The following DPP6 variants were observed in gnomAD, a reference collection of about 807,000 sequenced individuals.
The protein encoded by DPP6 is dipeptidyl peptidase like 6.
A neutral mutation model predicts 122.6 loss-of-function variants in DPP6; 69 were observed. That is an observed-to-expected ratio of 0.56 (90% CI 0.46 to 0.69). The LOEUF (loss-of-function observed/expected upper bound fraction) is 0.69. DPP6 is among the 30% of genes least tolerant of loss of function. The pLI, the probability that DPP6 is intolerant of heterozygous loss-of-function variation, is 0.00. For missense variants in DPP6, 928 were observed against 1,116.9 expected (o/e 0.83, Z 2.41); for synonymous variants, 418 against 433.1 (o/e 0.97, Z 0.43).
chr7:154,800,196 A>G (rs1216334373), intron 12 of DPP6, among the ~76,000 whole-genome samples: 1 of 152,230 alleles, frequency 6.6e-6, no homozygotes, highest in Non-Finnish European at 1.5e-5. Context: ...AAATAGGAAA[A>G]TAAATGTTTG....
intron 1 of DPP6, among the ~76,000 whole-genome samples, chr7:154,042,504 G>A (rs7810377): frequency 0.17 from 26,052 of 152,092 alleles, 3,332 homozygotes; most frequent in African/African-American, 0.36. Context: ...CTCAGTGTTC[G>A]GTGCAGTACA....
chr7:154,279,077 TGTG>T (rs1343793737), intron 1 of DPP6, among the ~76,000 whole-genome samples: 4 of 151,474 alleles, frequency 2.6e-5, no homozygotes, highest in African/African-American at 7.3e-5. Flanking sequence ...GTGCAGCTGA[TGTG>T]TGTGTGGGGA....
At chr7:154,480,802 A>G (rs1823201761) in intron 3 of DPP6, among the ~76,000 whole-genome samples, 1 of 152,150 alleles carries the variant, frequency 6.6e-6, no homozygotes, top group Non-Finnish European at 1.5e-5. Flanking sequence ...CCCAAAACCA[A>G]AAATACAAAA....
At chr7:154,268,036 G>T (rs1803553517) in intron 1 of DPP6, among the ~76,000 whole-genome samples, 1 of 152,000 alleles carries the variant, frequency 6.6e-6, no homozygotes, top group Non-Finnish European at 1.5e-5. Flanking sequence ...GCTCTTTGGG[G>T]TCCTCAATAG....
At chr7:154,858,107 T>G (rs1471078762) in intron 17 of DPP6, 1 of 152,082 alleles carries the variant, frequency 6.6e-6, no homozygotes, top group African/African-American at 2.4e-5. Flanking sequence ...AGGCTGGAGG[T>G]CACAGGGAGC....
chr7:154,097,657 A>G (rs1017364219), intron 1 of DPP6, among the ~76,000 whole-genome samples: 1 of 152,286 alleles, frequency 6.6e-6, no homozygotes, highest in Non-Finnish European at 1.5e-5. Flanking sequence ...TGTTACCCAC[A>G]GGGTCTGGGT....
At chr7:154,565,939 G>T (rs1030165014) in intron 4 of DPP6, among the ~76,000 whole-genome samples, 1 of 152,328 alleles carries the variant, frequency 6.6e-6, no homozygotes, top group Admixed American at 6.5e-5. Flanking sequence ...GTGGGTGTGG[G>T]TATCTGTGGA....
intron 16 of DPP6, among the ~76,000 whole-genome samples, chr7:154,837,621 G>A (rs117943682): frequency 0.042 from 6,446 of 152,166 alleles, 200 homozygotes; most frequent in Non-Finnish European, 0.063. Context: ...AATTTCTGGT[G>A]GGCGAGGCGC....
At chr7:154,334,205 CT>C (rs1415281015) in intron 1 of DPP6, among the ~76,000 whole-genome samples, 36 of 148,704 alleles carry the variant, frequency 2.4e-4, no homozygotes, top group African/African-American at 6.4e-4. Flanking sequence ...AAAAAAAAAC[CT>C]TTGCAAAGAT....
chr7:154,191,524 C>T lies in DPP6; in HGVS notation c.243+138461C>T, dbSNP rs554301091. On this transcript the variant is annotated intron_variant, in intron 1 of 25. Transcript: ENST00000377770. ...GGTTTCCCTTTTCCCTCTGTGCAGA[C>T]CAGCCTGCATTTACCCTTTAGCTGA... Among the ~76,000 whole-genome samples the T allele has an allele frequency of 7.9e-4, 120 of 152,306 alleles. 1 individual carries two copies. Among genetic ancestry groups the T allele is most frequent in the African/African-American group, 2.8e-3 (116 of 41,566 alleles).
the DPP6 span, among the ~76,000 whole-genome samples, chr7:153,809,541 A>T: frequency 6.6e-6 from 1 of 151,658 alleles, no homozygotes; most frequent in Non-Finnish European, 1.5e-5. Flanking sequence ...TCCCCATTCT[A>T]CTCTTCATCT....
chr7:154,374,602 G>GT (rs753766122), intron 1 of DPP6, among the ~76,000 whole-genome samples: 72 of 63,134 alleles, frequency 1.1e-3, no homozygotes, highest in African/African-American at 2.2e-3. Context: ...TTCTTTTTCT[G>GT]TTTTTTTTCT....
chr7:154,736,150 T>C (rs1349527601), intron 8 of DPP6, among the ~76,000 whole-genome samples: 1 of 152,250 alleles, frequency 6.6e-6, no homozygotes, highest in African/African-American at 2.4e-5. Context: ...CTTGCCTATG[T>C]TCATCTGAGT....
At position 154,613,493 on chromosome 7, in the gene DPP6, C is replaced by G. The variant is rs530612762; in HGVS notation, c.628-24328C>G. Reference sequence around the variant, plus strand: ...AATTAGCCAGGCATGGTGGTGCATGCCTGTAATCCCAGCTACTCGGGAGGC... The same window carrying G: ...AATTAGCCAGGCATGGTGGTGCATGGCTGTAATCCCAGCTACTCGGGAGGC... On this transcript the variant is annotated intron_variant, in intron 5 of 25. Transcript: ENST00000377770. Among the ~76,000 whole-genome samples the G allele has an allele frequency of 9.2e-5, 14 of 151,888 alleles. No individual in the cohort carries two copies. The East Asian group carries it at 1.9e-3, about 21-fold the overall frequency.
chr7:154,874,149 C>A (rs1427310094), intron 19 of DPP6, among the ~76,000 whole-genome samples: 1 of 152,164 alleles, frequency 6.6e-6, no homozygotes, highest in East Asian at 1.9e-4. Flanking sequence ...TGCACACACA[C>A]CACACACGTT....
intron 1 of DPP6, among the ~76,000 whole-genome samples, chr7:153,984,136 G>A (rs1796727836): frequency 6.7e-6 from 1 of 150,084 alleles, no homozygotes; most frequent in African/African-American, 2.5e-5. Context: ...CAAGTCATTA[G>A]ATGTCTTTGA....
At chr7:154,211,097 CCT>C (rs1053805064) in intron 1 of DPP6, among the ~76,000 whole-genome samples, 1 of 152,162 alleles carries the variant, frequency 6.6e-6, no homozygotes, top group Non-Finnish European at 1.5e-5. Flanking sequence ...TTCCCAGATG[CCT>C]CTGTTAGTGC....
intron 7 of DPP6, among the ~76,000 whole-genome samples, chr7:154,717,257 T>G (rs1382387815): frequency 2.0e-5 from 3 of 152,232 alleles, no homozygotes; most frequent in Non-Finnish European, 4.4e-5. Flanking sequence ...CTTCTAGATA[T>G]TTTGAATAGA....
chr7:154,795,716 C>G, intron 11 of DPP6, 129 bp from the exon 12 acceptor site: 1 of 1,329,714 alleles, frequency 7.5e-7, no homozygotes, highest in Non-Finnish European at 1.0e-6. Flanking sequence ...CTGTGCAATG[C>G]TTGTGCAGCG....
Sources: allele counts gnomAD v4.1 joint callset (sites outside exome capture counted in the v4.1 genomes callset), GRCh38; gene constraint gnomAD v4.1.1; transcripts MANE v1.5; gene names NCBI Gene and HGNC (gene_info 2026-07-23, HGNC 2026-07-21).